Variants in MPDZ observed in about 807,000 individuals in gnomAD.
The protein encoded by MPDZ is multiple PDZ domain crumbs cell polarity complex component.
A neutral mutation model predicts 239.1 loss-of-function variants in MPDZ; 234 were observed. The ratio of observed to expected loss-of-function variants is 0.98; its 90% CI spans 0.88 to 1.09. The LOEUF (loss-of-function observed/expected upper bound fraction) is 1.09, where lower values mean the gene tolerates loss of function less well. Among genes scored for constraint, MPDZ ranks in the 50% least tolerant of loss-of-function variants. The pLI is 0.00. For synonymous variants in MPDZ, 1,048 were observed against 881.3 expected, an observed-to-expected ratio of 1.19 and a Z score of -3.35; for missense variants, 3,175 against 2,510.0, an observed-to-expected ratio of 1.26 and a Z score of -5.66.
At chr9:13,267,876 C>A (rs1227855709) in intron 1 of MPDZ, among the ~76,000 whole-genome samples, 1 of 152,166 alleles carries the variant, frequency 6.6e-6, no homozygotes, top group South Asian at 2.1e-4. Flanking sequence ...ACAGGAAGAA[C>A]TGTCATTTCT....
chr9:13,143,373 GC>G, intron 27 of MPDZ, 92 bp downstream of exon 27: 1 of 956,648 alleles, frequency 1.0e-6, no homozygotes, highest in Non-Finnish European at 1.6e-6. Context: ...CCCAAATGTA[GC>G]AAATAGTGAA....
chr9:13,109,727 C>T (rs1942100332), intron 45 of MPDZ, among the ~76,000 whole-genome samples: 2 of 152,184 alleles, frequency 1.3e-5, no homozygotes, highest in Non-Finnish European at 2.9e-5. Context: ...TAGTAGCACG[C>T]ATATCTATCT....
chr9:13,179,711 T>G (rs1365761944), intron 19 of MPDZ, among the ~76,000 whole-genome samples: 1 of 152,196 alleles, frequency 6.6e-6, no homozygotes, highest in East Asian at 1.9e-4. Context: ...CTTGATATAT[T>G]CTTGTCCTCA....
At chr9:13,164,733 A>C (rs2133753983) in intron 22 of MPDZ, among the ~76,000 whole-genome samples, 1 of 152,216 alleles carries the variant, frequency 6.6e-6, no homozygotes, top group Admixed American at 6.5e-5. Flanking sequence ...TTTGCATAGC[A>C]GTGAGAAAGA....
At chr9:13,248,056 G>A (rs896495244) in intron 2 of MPDZ, among the ~76,000 whole-genome samples, 1 of 151,518 alleles carries the variant, frequency 6.6e-6, no homozygotes, top group African/African-American at 2.4e-5. Flanking sequence ...ATGAAACCCC[G>A]TTTCTACTAA....
chr9:13,262,492 G>A (rs1970917860), intron 1 of MPDZ, among the ~76,000 whole-genome samples: 1 of 151,858 alleles, frequency 6.6e-6, no homozygotes, highest in African/African-American at 2.4e-5. Flanking sequence ...CTCTTCATAG[G>A]AGGATAGAAA....
chr9:13,149,286 C>G (rs1346500393), intron 25 of MPDZ, among the ~76,000 whole-genome samples: 3 of 151,982 alleles, frequency 2.0e-5, no homozygotes, highest in Non-Finnish European at 4.4e-5. Flanking sequence ...AGGAATCAAT[C>G]AGTCATCAAA....
intron 3 of MPDZ, among the ~76,000 whole-genome samples, chr9:13,243,709 T>G (rs535653549): frequency 9.2e-5 from 14 of 152,212 alleles, no homozygotes; most frequent in Non-Finnish European, 1.8e-4. Context: ...CTACAGTTAT[T>G]TCAAGAGTTG....
At chr9:13,165,466 T>C (rs568658202) in intron 22 of MPDZ, 5 of 1,541,950 alleles carry the variant, frequency 3.2e-6, no homozygotes, top group East Asian at 2.4e-5. Context: ...CAAATGTCAA[T>C]GTCTTGTGCT....
intron 1 of MPDZ, among the ~76,000 whole-genome samples, chr9:13,261,533 T>C (rs1404401505): frequency 3.3e-5 from 5 of 152,124 alleles, no homozygotes; most frequent in Non-Finnish European, 7.4e-5. Flanking sequence ...GTACTTCTAA[T>C]AAACATTTGA....
chr9:13,114,545 T>C (rs1943053912), intron 40 of MPDZ, among the ~76,000 whole-genome samples: 1 of 152,200 alleles, frequency 6.6e-6, no homozygotes, highest in Non-Finnish European at 1.5e-5. Context: ...GTATCTATAG[T>C]TCACTTATAT....
rs543710208 is a variant in MPDZ at position 13,262,548 on chromosome 9, C to T, written c.-57-12176G>A. On this transcript the variant is annotated intron_variant, in intron 1 of 46. Transcript: ENST00000319217. ...CTAGAAAAATTCAGCCAAGTATACA[C>T]GTTAAAACTTTAATGTACCACTAAA... Among the ~76,000 whole-genome samples, 10 of 151,712 alleles carry T rather than the reference C, an allele frequency of 6.6e-5. 1 individual carries two copies. Among genetic ancestry groups the T allele is most frequent in the African/African-American group, 2.2e-4 (9 of 41,382 alleles).
intron 32 of MPDZ, among the ~76,000 whole-genome samples, chr9:13,129,307 A>T (rs890888492): frequency 3.3e-5 from 5 of 151,930 alleles, no homozygotes; most frequent in Non-Finnish European, 7.4e-5. Context: ...TAATTAAAGT[A>T]CAAAAGTTAG....
intron 4 of MPDZ, 71 bp from the exon 5 acceptor site, chr9:13,223,781 C>G: frequency 6.8e-7 from 1 of 1,469,144 alleles, no homozygotes; most frequent in Non-Finnish European, 9.0e-7. Flanking sequence ...CCTGTAATCC[C>G]AGCACTTTGG....
chr9:13,250,655 G>T (rs901198333), intron 1 of MPDZ, among the ~76,000 whole-genome samples: 2 of 152,108 alleles, frequency 1.3e-5, no homozygotes, highest in African/African-American at 4.8e-5. Context: ...TCCATAAAGA[G>T]TTCTCAGTAC....
intron 39 of MPDZ, among the ~76,000 whole-genome samples, chr9:13,118,014 T>C (rs747860722): frequency 6.6e-6 from 1 of 152,008 alleles, no homozygotes; most frequent in Non-Finnish European, 1.5e-5. Flanking sequence ...CTGGCTAATT[T>C]TGTATTTTTA....
chr9:13,199,795 T>A (rs568624493), intron 12 of MPDZ, among the ~76,000 whole-genome samples: 1 of 152,156 alleles, frequency 6.6e-6, no homozygotes, highest in East Asian at 1.9e-4. Flanking sequence ...CATCCTCGCA[T>A]CCTTGGGATG....
chr9:13,162,588 G>T (rs996168852), intron 23 of MPDZ, 103 bp downstream of exon 23: 24 of 525,600 alleles, frequency 4.6e-5, no homozygotes, highest in Non-Finnish European at 7.3e-5. Context: ...AAGAGGAAAA[G>T]GATTCAGACC....
chr9:13,137,302 AAC>A (rs1946970565), intron 29 of MPDZ, among the ~76,000 whole-genome samples: 1 of 152,176 alleles, frequency 6.6e-6, no homozygotes, highest in African/African-American at 2.4e-5. Context: ...CACAGTGCCT[AAC>A]GCAAATGACT....
Sources: allele counts gnomAD v4.1 joint callset (sites outside exome capture counted in the v4.1 genomes callset), GRCh38; gene constraint gnomAD v4.1.1; transcripts MANE v1.5; gene names NCBI Gene and HGNC (gene_info 2026-07-23, HGNC 2026-07-21).